The following RNFT2 variants were observed in gnomAD, a reference collection of about 807,000 sequenced individuals.
RNFT2 encodes the protein E3 ubiquitin-protein ligase RNFT2.
Under a neutral mutation model 53.0 loss-of-function variants are expected in RNFT2, and 36 were observed. That is an observed-to-expected ratio of 0.68 (90% CI 0.52 to 0.90). The LOEUF is 0.90. Among genes scored for constraint, RNFT2 ranks in the 40% least tolerant of loss-of-function variants. The pLI is 0.00. For missense variants in RNFT2, 514 were observed against 585.6 expected, an observed-to-expected ratio of 0.88 and a Z score of 1.26; for synonymous variants, 260 against 253.2, an observed-to-expected ratio of 1.03 and a Z score of -0.26.
chr12:116,742,071 A>AG (rs1405769327), intron 3 of RNFT2, among the ~76,000 whole-genome samples: 1 of 152,130 alleles, frequency 6.6e-6, no homozygotes, highest in Non-Finnish European at 1.5e-5. Context: ...CTCAAGATGA[A>AG]GGGGCATACT....
intron 10 of RNFT2, 44 bp from the exon 11 acceptor site, chr12:116,849,270 G>A (rs574764236): frequency 2.0e-5 from 29 of 1,458,128 alleles, no homozygotes; most frequent in East Asian, 5.0e-5. Flanking sequence ...CGAGGCAGAC[G>A]CTCAGTAAAG....
chr12:116,839,678 G>A (rs1034594847), intron 10 of RNFT2, among the ~76,000 whole-genome samples: 1 of 151,188 alleles, frequency 6.6e-6, no homozygotes, highest in African/African-American at 2.4e-5. Flanking sequence ...AGAGGTATAA[G>A]TGGGTGAGTG....
chr12:116,749,495 G>C (rs1423732463), intron 3 of RNFT2, among the ~76,000 whole-genome samples: 1 of 152,026 alleles, frequency 6.6e-6, no homozygotes, highest in Non-Finnish European at 1.5e-5. Context: ...GCCCAGGCTG[G>C]TTTTGAACAA....
Position 116,849,835 on chromosome 12 carries a change from T to TCCTA in RNFT2, c.*390_*391insACCT. ...CTGTTTCCCTCCCTCCCTCCTTCCT[T>TCCTA]CCTTCCTTCCTTTTTTTTTTTTTTT... On this transcript the variant is annotated 3_prime_UTR_variant, in exon 11 of 11. Transcript: ENST00000257575. 6.1e-6 allele frequency: 1 copy of TCCTA among 163,512 alleles called. No individual in the cohort carries two copies. The highest frequency in any genetic ancestry group is 7.8e-6 in the Non-Finnish European group (1 of 128,458). 10.1% of individuals were successfully genotyped at this position (163,512 alleles called of 1,614,324 possible).
intron 2 of RNFT2, 165 bp downstream of exon 2, chr12:116,740,686 C>A: frequency 1.5e-6 from 1 of 689,478 alleles, no homozygotes; most frequent in Non-Finnish European, 2.6e-6. Flanking sequence ...AAGTTAGCAG[C>A]AGCATCAACC....
rs747258217 is a variant in RNFT2 at position 116,825,455 on chromosome 12, C to G, written c.883-8337C>G. The stretch of plus-strand genomic sequence containing the variant: ...CACATTTCTGGATTATCATGAGGGC[C>G]AGTACTAGCTGTATCATGTACTGGG... On this transcript the variant is annotated intron_variant, in intron 7 of 10. Coordinates refer to ENST00000257575, the MANE Select transcript of RNFT2 (RefSeq NM_001382266.1). 2.8e-4 allele frequency among the ~76,000 whole-genome samples: 43 copies of G among 152,208 alleles called. 1 individual carries two copies. The highest frequency in any genetic ancestry group is 1.5e-4 in the Non-Finnish European group (10 of 68,044).
chr12:116,838,000 TACAC>T (rs1269090188), intron 10 of RNFT2, among the ~76,000 whole-genome samples: 1 of 151,744 alleles, frequency 6.6e-6, no homozygotes, highest in Admixed American at 6.6e-5. Flanking sequence ...TATATATTTA[TACAC>T]ACACAAACAT....
rs988719671 is a variant in RNFT2, at chr12:116,749,917, G to A, written c.160G>A (p.Ala54Thr). The A allele has an allele frequency of 6.3e-7, 1 of 1,585,158 alleles. No individual in the cohort carries two copies. The highest frequency in any genetic ancestry group is 8.6e-7 in the Non-Finnish European group (1 of 1,165,680). Residue 54 changes from alanine (A) to threonine (T), a missense_variant, in exon 4 of 11, where the codon GCC becomes ACC. Physicochemically the swap from Ala to Thr is moderately conservative, Grantham distance 58. Around this residue, in one of 3 missense-constraint regions of RNFT2, gnomAD observed 237 missense variants for 235.1 expected, o/e 1.01. Transcript: ENST00000257575. ...CTTTGAGAGTCTGAAGGCAGAGGCA[G>A]CCTCCCCACCAGCGCTCTTCTCGGG... ...GVFESLKAEA[A>T]SPPALFSGLS...
chr12:116,746,113 TG>T (rs1370627041), intron 3 of RNFT2, among the ~76,000 whole-genome samples: 1 of 152,070 alleles, frequency 6.6e-6, no homozygotes, highest in Non-Finnish European at 1.5e-5. Context: ...GGCGCACACC[TG>T]TAATCCCAGC....
intron 7 of RNFT2, among the ~76,000 whole-genome samples, chr12:116,809,346 C>T (rs566919429): frequency 2.0e-5 from 3 of 152,272 alleles, no homozygotes; most frequent in African/African-American, 7.2e-5. Flanking sequence ...AGGAGAGGTC[C>T]TTCCACTTCG....
intron 7 of RNFT2, among the ~76,000 whole-genome samples, chr12:116,821,884 G>C (rs539334459): frequency 7.1e-6 from 1 of 141,474 alleles, no homozygotes; most frequent in East Asian, 2.2e-4. Context: ...GGAGTGCATG[G>C]AGTGCAGTGG....
intron 7 of RNFT2, among the ~76,000 whole-genome samples, chr12:116,787,313 A>AT (rs1873979820): frequency 2.0e-5 from 3 of 152,306 alleles, no homozygotes; most frequent in Middle Eastern, 3.4e-3. Flanking sequence ...CTAACCTGCA[A>AT]TTTTCCAGCC....
In RNFT2 at chr12:116,850,836, T is replaced by C. The variant is rs1168787956; in HGVS notation, c.*1388T>C. On this transcript the variant is annotated 3_prime_UTR_variant, in exon 11 of 11. Coordinates refer to ENST00000257575, the MANE Select transcript of RNFT2 (RefSeq NM_001382266.1). Reference sequence around the variant, plus strand: ...TTAGTAGAGATGGGGTTTCACCACGTTGGCCAGGCTGGCCTCAAACTCCTG... The same window carrying C: ...TTAGTAGAGATGGGGTTTCACCACGCTGGCCAGGCTGGCCTCAAACTCCTG... The C allele has an allele frequency of 7.1e-6, 1 of 141,546 alleles. No homozygotes were observed. Among genetic ancestry groups the C allele is most frequent in the African/African-American group, 3.0e-5 (1 of 33,490 alleles). 8.8% of individuals were successfully genotyped at this position (141,546 alleles called of 1,614,324 possible).
intron 7 of RNFT2, among the ~76,000 whole-genome samples, chr12:116,812,581 C>T (rs1875438025): frequency 6.6e-6 from 1 of 151,402 alleles, no homozygotes; most frequent in Non-Finnish European, 1.5e-5. Context: ...GTCACCCAGG[C>T]TGGAGTTCAG....
At chr12:116,794,527 G>A (rs536395226) in intron 7 of RNFT2, among the ~76,000 whole-genome samples, 40 of 151,722 alleles carry the variant, frequency 2.6e-4, no homozygotes, top group African/African-American at 9.0e-4. Flanking sequence ...GAACCCGGGA[G>A]GGGGAGGCTG....
At chr12:116,806,299 G>A (rs1459112496) in intron 7 of RNFT2, among the ~76,000 whole-genome samples, 2 of 151,750 alleles carry the variant, frequency 1.3e-5, no homozygotes, top group Admixed American at 1.3e-4. Context: ...GAACCTGGGA[G>A]GTGGAGGTTG....
At chr12:116,818,410 A>G (rs1167273841) in intron 7 of RNFT2, among the ~76,000 whole-genome samples, 1 of 151,876 alleles carries the variant, frequency 6.6e-6, no homozygotes, top group African/African-American at 2.4e-5. Context: ...GCCCTGGCTC[A>G]GTGCCTGGTT....
Position 116,749,370 on chromosome 12 carries a change from T to C in RNFT2, c.84-471T>C, listed in dbSNP as rs1872066301. 2.7e-5 allele frequency among the ~76,000 whole-genome samples: 4 copies of C among 147,152 alleles called. No homozygotes were observed. In the South Asian group the frequency reaches 8.8e-4, roughly 33 times the overall value. On this transcript the variant is annotated intron_variant, in intron 3 of 10. Transcript: ENST00000257575. ...TTGGCTCACTACAGCCTCAACCTCC[T>C]GGGCTCAAGTGATCCTCCCACCTCA...
intron 3 of RNFT2, among the ~76,000 whole-genome samples, chr12:116,748,430 A>G (rs1439851668): frequency 6.6e-6 from 1 of 152,206 alleles, no homozygotes; most frequent in African/African-American, 2.4e-5. Flanking sequence ...GGTCTTCCAT[A>G]GGAACTAGAG....
Sources: allele counts gnomAD v4.1 joint callset (sites outside exome capture counted in the v4.1 genomes callset), GRCh38; gene constraint gnomAD v4.1.1; regional missense constraint gnomAD v4.1.1; transcripts MANE v1.5; gene names NCBI Gene and HGNC (gene_info 2026-07-23, HGNC 2026-07-21).